The following PDS5A variants were observed in gnomAD, a reference collection of about 807,000 sequenced individuals.
The protein encoded by PDS5A is sister chromatid cohesion protein PDS5 homolog A.
In PDS5A, 42 loss-of-function variants were observed where a neutral mutation model predicts 167.1. That is an observed-to-expected ratio of 0.25 (90% CI 0.20 to 0.33). The LOEUF is 0.33. Ranked by LOEUF, PDS5A falls within the 10% of genes least tolerant of loss-of-function variation. The pLI is 1.00. For synonymous variants in PDS5A, 553 were observed against 554.6 expected, an observed-to-expected ratio of 1.00 and a Z score of 0.04; for missense variants, 1,033 against 1,605.9, an observed-to-expected ratio of 0.64 and a Z score of 6.10.
At position 39,926,797 on chromosome 4, in the gene PDS5A, T is replaced by C. The variant is rs1302498769; in HGVS notation, c.407A>G (p.Asn136Ser). Residue 136 changes from asparagine to serine, a missense_variant, in exon 4 of 33, where the codon AAT (asparagine) becomes AGT (serine). Physicochemically the swap from Asn to Ser is conservative, Grantham distance 46 (BLOSUM62 1). This residue lies in a region of PDS5A where 388 missense variants were observed against 615.1 expected (regional missense o/e 0.63). Transcript: ENST00000303538. ...TACCTCTAATAAATAAAAGTATCTA[T>C]TAAACTGTGGACTCTTTGTATCCTC... ...GLEDTKSPQF[N>S]RYFYLLENLA... 7.0e-7 allele frequency: 1 copy of C among 1,424,314 alleles called. No individual in the cohort carries two copies. Among genetic ancestry groups the C allele is most frequent in the Non-Finnish European group, 9.3e-7 (1 of 1,079,930 alleles). The allele number at this position is 1,424,314 out of a possible 1,614,324, so 88.2% of individuals were successfully genotyped here. A position where few individuals can be genotyped will look rare whatever the true frequency, so the allele number is the denominator to read the frequency against.
chr4:39,967,385 T>C (rs1447595019), intron 2 of PDS5A, among the ~76,000 whole-genome samples: 6 of 151,358 alleles, frequency 4.0e-5, no homozygotes, highest in East Asian at 4.0e-4. Context: ...TGGTGGCTTA[T>C]GCCTGTAATC....
At chr4:39,904,676 C>A (rs1723174036) in intron 11 of PDS5A, among the ~76,000 whole-genome samples, 1 of 152,164 alleles carries the variant, frequency 6.6e-6, no homozygotes, top group Admixed American at 6.6e-5. Flanking sequence ...TTTTCCAATG[C>A]AAATATTGCT....
At chr4:39,842,081 C>T (rs145945920) in intron 30 of PDS5A, 25 bp from the exon 31 acceptor site, 19 of 1,383,618 alleles carry the variant, frequency 1.4e-5, no homozygotes, top group Non-Finnish European at 2.0e-5. Flanking sequence ...TAAACCAAGA[C>T]TTCATATTTC....
At chr4:39,884,388 T>C (rs1040706632) in intron 17 of PDS5A, among the ~76,000 whole-genome samples, 1 of 152,186 alleles carries the variant, frequency 6.6e-6, no homozygotes, top group East Asian at 1.9e-4. Flanking sequence ...GGCTTTCTAT[T>C]GAGCTGGGCC....
intron 20 of PDS5A, 78 bp downstream of exon 20, chr4:39,874,211 T>C (rs896649224): frequency 1.0e-5 from 13 of 1,247,112 alleles, no homozygotes; most frequent in Non-Finnish European, 1.5e-5. Context: ...CTTTAAAAAA[T>C]CTAGCTTCCA....
At chr4:39,834,372 C>T (rs1198446504) in intron 32 of PDS5A, among the ~76,000 whole-genome samples, 7 of 152,068 alleles carry the variant, frequency 4.6e-5, no homozygotes, top group Non-Finnish European at 1.0e-4. Context: ...TGGACAAAGT[C>T]AAAGCTTTAG....
rs1259253354 is a variant in PDS5A, at chr4:39,869,333, A to T, written c.2505+61T>A. ...TTATTAAATTTTTTAAAGGTGAGGA[A>T]GATAACTACAAAATGTCCCTTTTTT... On this transcript the variant is annotated intron_variant, in intron 22 of 32. Transcript: ENST00000303538. 3.1e-6 allele frequency: 3 copies of T among 971,434 alleles called. No individual in the cohort carries two copies. In the East Asian group the frequency reaches 7.1e-5, roughly 23 times the overall value. The allele number at this position is 971,434 out of a possible 1,614,324, so 60.2% of individuals were successfully genotyped here.
intron 28 of PDS5A, 183 bp downstream of exon 28, chr4:39,848,668 T>C: frequency 3.5e-6 from 2 of 577,164 alleles, no homozygotes; most frequent in African/African-American, 1.9e-5. Context: ...ACAGTATGTG[T>C]AGTCTTCTGT....
At chr4:39,916,215 A>G (rs958082669) in intron 8 of PDS5A, among the ~76,000 whole-genome samples, 12 of 151,988 alleles carry the variant, frequency 7.9e-5, no homozygotes, top group South Asian at 2.1e-4. Context: ...CAACAAAAAA[A>G]GAGACTGAGA....
At chr4:39,973,533 T>A in intron 2 of PDS5A, 1 of 1,331,952 alleles carries the variant, frequency 7.5e-7, no homozygotes, top group South Asian at 1.2e-5. Flanking sequence ...CTCCATTTGG[T>A]ACAATCACTA....
At chr4:39,898,566 A>G (rs767356862) in intron 15 of PDS5A, 38 bp from the exon 16 acceptor site, 3 of 1,332,124 alleles carry the variant, frequency 2.3e-6, no homozygotes, top group Non-Finnish European at 3.0e-6. Context: ...AGAGAAGGAA[A>G]AAAAAAAAAC....
chr4:39,867,104 T>A (rs1199756359), intron 22 of PDS5A, 107 bp from the exon 23 acceptor site: 2 of 834,878 alleles, frequency 2.4e-6, no homozygotes, highest in East Asian at 5.4e-5. Context: ...TCAGCAGACA[T>A]TTTATTAAAT....
At chr4:39,826,628 G>A (rs1488286670) in intron 32 of PDS5A, among the ~76,000 whole-genome samples, 2 of 152,104 alleles carry the variant, frequency 1.3e-5, no homozygotes, top group African/African-American at 2.4e-5. Flanking sequence ...TGGGACTACA[G>A]GTGCGTGCCA....
chr4:39,976,445 G>A lies in PDS5A; in HGVS notation c.133C>T (p.Leu45=), dbSNP rs1444069598. The A allele has an allele frequency of 6.2e-7, 1 of 1,612,396 alleles. No individual in the cohort carries two copies. ...AAATCCGTCCAGACACTTACCTTCAGGCGTTTGATCATCTCGTCCGTGGTG... is the reference window on the plus strand; with the variant it reads ...AAATCCGTCCAGACACTTACCTTCAAGCGTTTGATCATCTCGTCCGTGGTG... ...KITTDEMIKR[L]KMVVKTFMDM... is the part of the protein sequence containing the mutation. The change falls in exon 2 of 33, where the codon CTG becomes TTG. Residue 45 remains leucine, a synonymous_variant. Transcript: ENST00000303538.
chr4:39,873,175 T>C, intron 20 of PDS5A, 31 bp from the exon 21 acceptor site: 2 of 1,386,180 alleles, frequency 1.4e-6, no homozygotes, highest in African/African-American at 2.8e-5. Flanking sequence ...AAATTACCAA[T>C]TTGTTTGATA....
At chr4:39,849,035 A>AC in intron 27 of PDS5A, 65 bp from the exon 28 acceptor site, 4 of 1,095,744 alleles carry the variant, frequency 3.7e-6, no homozygotes, top group Non-Finnish European at 5.2e-6. Context: ...TACCAATTCC[A>AC]CTAAATGTAT....
intron 2 of PDS5A, among the ~76,000 whole-genome samples, chr4:39,965,991 T>C (rs1216360530): frequency 6.6e-6 from 1 of 152,228 alleles, no homozygotes; most frequent in African/African-American, 2.4e-5. Context: ...TTTAAAAAGT[T>C]TGTTACACAG....
Position 39,974,202 on chromosome 4 carries a change from A to AGGGT in PDS5A, c.138+2234_138+2237dup, listed in dbSNP as rs1730857381. 3 of 573,834 alleles carry AGGGT rather than the reference A, an allele frequency of 5.2e-6. No homozygotes were observed. In the Admixed American group the frequency reaches 5.7e-5, roughly 11 times the overall value. The allele number at this position is 573,834 out of a possible 1,614,324, so 35.5% of individuals were successfully genotyped here. On this transcript the variant is annotated intron_variant, in intron 2 of 32. Transcript: ENST00000303538. ...AGACCAAGTCCTCGCTGGACTGCTC[A>AGGGT]GGGTGCCAGACCTCATCCATTCCAA...
chr4:39,949,001 T>C (rs1447471935), intron 2 of PDS5A, among the ~76,000 whole-genome samples: 1 of 151,868 alleles, frequency 6.6e-6, no homozygotes, highest in Non-Finnish European at 1.5e-5. Flanking sequence ...TATCTGGCCA[T>C]AAAAGGTATA....
Sources: gnomAD v4.1 joint callset for allele counts (sites outside exome capture counted in the v4.1 genomes callset) on GRCh38, gnomAD v4.1.1 for gene constraint, gnomAD v4.1.1 regional missense constraint, MANE v1.5 for transcripts, NCBI Gene and HGNC (gene_info 2026-07-23, HGNC 2026-07-21) for gene names.